MARCHF6: variants seen among roughly 807,000 people sequenced by gnomAD.
The protein encoded by MARCHF6 is E3 ubiquitin-protein ligase MARCHF6.
In MARCHF6, 31 loss-of-function variants were observed where a neutral mutation model predicts 133.7. The observed-to-expected ratio is 0.23, with a 90% CI of 0.17 to 0.31. The LOEUF (loss-of-function observed/expected upper bound fraction) is 0.31, where lower values mean the gene tolerates loss of function less well. MARCHF6 is among the 10% of genes least tolerant of loss of function. MARCHF6 has a pLI of 1.00. For synonymous variants in MARCHF6, 395 were observed against 402.5 expected, an observed-to-expected ratio of 0.98 and a Z score of 0.22; for missense variants, 723 against 1,121.6, an observed-to-expected ratio of 0.64 and a Z score of 5.08.
chr5:10,379,585 C>T (rs1368709060), intron 3 of MARCHF6, among the ~76,000 whole-genome samples: 4 of 151,954 alleles, frequency 2.6e-5, no homozygotes, highest in Admixed American at 1.3e-4. Context: ...CTCAGCCTCC[C>T]GAGTAGCTGG....
intron 16 of MARCHF6, among the ~76,000 whole-genome samples, chr5:10,406,837 G>A (rs1025921712): frequency 1.3e-5 from 2 of 152,162 alleles, no homozygotes; most frequent in Non-Finnish European, 2.9e-5. Flanking sequence ...CATTCCTTAG[G>A]TAGCAAGTGG....
At chr5:10,373,626 G>C (rs1282522861) in intron 1 of MARCHF6, among the ~76,000 whole-genome samples, 2 of 152,178 alleles carry the variant, frequency 1.3e-5, no homozygotes, top group Non-Finnish European at 2.9e-5. Flanking sequence ...CCAGGCCATA[G>C]TCAATGGCCG....
chr5:10,361,904 C>A (rs796364362), intron 1 of MARCHF6, among the ~76,000 whole-genome samples: 2 of 152,060 alleles, frequency 1.3e-5, no homozygotes, highest in Admixed American at 6.5e-5. Context: ...GCTGGGATTA[C>A]AGGCATGCAC....
intron 22 of MARCHF6, among the ~76,000 whole-genome samples, chr5:10,420,110 T>C (rs1739754179): frequency 6.6e-6 from 1 of 152,200 alleles, no homozygotes; most frequent in African/African-American, 2.4e-5. Context: ...GTGCCTGGGC[T>C]GCTTCATAGC....
chr5:10,415,043 A>G (rs1239810113), intron 20 of MARCHF6, among the ~76,000 whole-genome samples: 3 of 152,226 alleles, frequency 2.0e-5, no homozygotes, highest in African/African-American at 7.2e-5. Flanking sequence ...GTCTTGATGA[A>G]TGAGCCAATT....
intron 22 of MARCHF6, 39 bp downstream of exon 22, chr5:10,417,443 A>AT: frequency 6.2e-7 from 1 of 1,610,010 alleles, no homozygotes; most frequent in Non-Finnish European, 8.5e-7. Flanking sequence ...TTCATTAAGG[A>AT]TTTGAGATCA....
intron 1 of MARCHF6, among the ~76,000 whole-genome samples, chr5:10,359,621 C>T (rs565993187): frequency 2.6e-5 from 4 of 151,840 alleles, no homozygotes; most frequent in East Asian, 1.9e-4. Flanking sequence ...GAAAGAAATC[C>T]GCGTATAAGT....
intron 4 of MARCHF6, among the ~76,000 whole-genome samples, chr5:10,386,017 G>T (rs1579558838): frequency 6.6e-6 from 1 of 150,854 alleles, no homozygotes; most frequent in Non-Finnish European, 1.5e-5. Flanking sequence ...CGTGAGTGTT[G>T]TGCTGTCTTA....
chr5:10,363,427 G>A (rs1735945720), intron 1 of MARCHF6, among the ~76,000 whole-genome samples: 1 of 152,174 alleles, frequency 6.6e-6, no homozygotes, highest in African/African-American at 2.4e-5. Context: ...AGCATCATTA[G>A]TCAAAACCAT....
intron 4 of MARCHF6, among the ~76,000 whole-genome samples, chr5:10,385,366 A>C (rs991580159): frequency 2.0e-5 from 3 of 152,234 alleles, no homozygotes; most frequent in African/African-American, 7.2e-5. Flanking sequence ...TGCTAGAAGA[A>C]TAGAAATAGG....
At chr5:10,384,127 C>T (rs1737327267) in intron 4 of MARCHF6, among the ~76,000 whole-genome samples, 1 of 152,120 alleles carries the variant, frequency 6.6e-6, no homozygotes, top group Non-Finnish European at 1.5e-5. Context: ...ATATCATTAC[C>T]TCAACCTAAC....
chr5:10,378,382 T>G (rs1352704333), intron 2 of MARCHF6, among the ~76,000 whole-genome samples: 1 of 152,206 alleles, frequency 6.6e-6, no homozygotes, highest in African/African-American at 2.4e-5. Context: ...TAACTTGTCC[T>G]TGGCCACATA....
At chr5:10,395,203 AC>A (rs1738119261) in intron 9 of MARCHF6, among the ~76,000 whole-genome samples, 1 of 152,182 alleles carries the variant, frequency 6.6e-6, no homozygotes. Flanking sequence ...GCTTTTAATT[AC>A]TTTATATGTT....
intron 1 of MARCHF6, among the ~76,000 whole-genome samples, chr5:10,371,729 C>T (rs910405659): frequency 2.0e-5 from 3 of 152,194 alleles, no homozygotes; most frequent in African/African-American, 7.2e-5. Context: ...TAGCTGATGT[C>T]AAAGTAACAA....
chr5:10,428,340 T>G (rs1395763026), intron 24 of MARCHF6, among the ~76,000 whole-genome samples: 30 of 140,116 alleles, frequency 2.1e-4, no homozygotes, highest in African/African-American at 7.2e-4. Context: ...AGTTTTTTTT[T>G]TTTTTTTTTT....
At chr5:10,399,103 T>G (rs902679808) in intron 10 of MARCHF6, among the ~76,000 whole-genome samples, 1 of 152,194 alleles carries the variant, frequency 6.6e-6, no homozygotes, top group African/African-American at 2.4e-5. Context: ...GGAAATTGAT[T>G]GTTGCAACTG....
At chr5:10,378,737 A>C in intron 2 of MARCHF6, 22 bp from the exon 3 acceptor site, 1 of 1,442,842 alleles carries the variant, frequency 6.9e-7, no homozygotes, top group East Asian at 2.3e-5. Flanking sequence ...CACTGTACTT[A>C]TGAATCTATT....
intron 16 of MARCHF6, among the ~76,000 whole-genome samples, chr5:10,406,382 C>G (rs1307514931): frequency 6.6e-6 from 1 of 151,660 alleles, no homozygotes; most frequent in Non-Finnish European, 1.5e-5. Context: ...ATAGTTAAAT[C>G]TAATTTCTTT....
At chr5:10,419,718 CAAGGATTGTT>C (rs1220641741) in intron 22 of MARCHF6, among the ~76,000 whole-genome samples, 1 of 150,794 alleles carries the variant, frequency 6.6e-6, no homozygotes, top group African/African-American at 2.4e-5. Flanking sequence ...TTGATTATAG[CAAGGATTGTT>C]AATGGATGTT....
Sources: allele counts gnomAD v4.1 joint callset (sites outside exome capture counted in the v4.1 genomes callset), GRCh38; gene constraint gnomAD v4.1.1; transcripts MANE v1.5; gene names NCBI Gene and HGNC (gene_info 2026-07-23, HGNC 2026-07-21).